Variants in FAM210A observed in about 807,000 individuals in gnomAD.
The protein encoded by FAM210A is mitochondrial inner membrane scaffold 1, also known as family with sequence similarity 210 member A.
In FAM210A, 13 loss-of-function variants were observed where a neutral mutation model predicts 25.3. That is an observed-to-expected ratio of 0.51 (90% CI 0.33 to 0.82). The LOEUF (loss-of-function observed/expected upper bound fraction) is 0.82. FAM210A is among the 40% of genes least tolerant of loss of function. FAM210A has a pLI of 0.02. For synonymous variants in FAM210A, 125 were observed against 118.7 expected (o/e 1.05, Z -0.35); for missense variants, 319 against 323.2 (o/e 0.99, Z 0.10).
At chr18:13,707,653 T>C (rs2043789206) in intron 1 of FAM210A, among the ~76,000 whole-genome samples, 1 of 152,244 alleles carries the variant, frequency 6.6e-6, no homozygotes, top group Non-Finnish European at 1.5e-5. Flanking sequence ...TGAGAAAGAC[T>C]CTGTACTTCT....
chr18:13,687,089 A>G (rs1403694751), intron 1 of FAM210A, among the ~76,000 whole-genome samples: 2 of 152,368 alleles, frequency 1.3e-5, no homozygotes, highest in East Asian at 1.9e-4. Context: ...TAATCCAGAT[A>G]TGCAAAGGTA....
At chr18:13,696,950 C>G (rs1395169031) in intron 1 of FAM210A, among the ~76,000 whole-genome samples, 1 of 152,174 alleles carries the variant, frequency 6.6e-6, no homozygotes, top group Non-Finnish European at 1.5e-5. Context: ...GGTAAGTACT[C>G]TGGTATAGGT....
At chr18:13,673,877 C>T (rs2043466732) in intron 2 of FAM210A, among the ~76,000 whole-genome samples, 1 of 1,304 alleles carries the variant, frequency 7.7e-4, no homozygotes, top group Non-Finnish European at 1.4e-3. Flanking sequence ...TCTTTATTTC[C>T]AGTTTCTGAT....
chr18:13,696,708 T>C (rs1272913096), intron 1 of FAM210A, among the ~76,000 whole-genome samples: 1 of 152,100 alleles, frequency 6.6e-6, no homozygotes, highest in Non-Finnish European at 1.5e-5. Flanking sequence ...TAACAAAAAG[T>C]TTAAAAAATA....
intron 1 of FAM210A, among the ~76,000 whole-genome samples, chr18:13,692,540 T>G (rs1195932325): frequency 1.3e-5 from 2 of 152,140 alleles, no homozygotes; most frequent in Non-Finnish European, 2.9e-5. Flanking sequence ...AGAACAGAAA[T>G]TATAACAAAC....
chr18:13,667,944 T>C (rs1174581354), intron 3 of FAM210A, among the ~76,000 whole-genome samples: 1 of 152,122 alleles, frequency 6.6e-6, no homozygotes, highest in Non-Finnish European at 1.5e-5. Flanking sequence ...GTGCCTGTAG[T>C]CCCAGCTACT....
rs754852546 is a variant in FAM210A, at chr18:13,681,959, T to C, written c.119A>G (p.Asn40Ser). 15 of 1,614,062 alleles carry C rather than the reference T, an allele frequency of 9.3e-6. No individual in the cohort carries two copies. Among genetic ancestry groups the C allele is most frequent in the Admixed American group, 1.7e-5 (1 of 60,002 alleles). ...TACCAAAACCACTTTGGATTCAGCA[T>C]TGTATAAAAGTAAAGGTCCCTTTAC... ...QNVKGPLLLYNAESKVVLVQG... is the reference protein window; with the variant it reads ...QNVKGPLLLYSAESKVVLVQG... Residue 40 changes from asparagine (N) to serine (S), a missense_variant, in exon 2 of 4, where the codon AAT becomes AGT. Asn to Ser is a conservative substitution (Grantham distance 46). Transcript: ENST00000651643.
chr18:13,695,711 C>T (rs777979252), intron 1 of FAM210A, among the ~76,000 whole-genome samples: 10 of 54,412 alleles, frequency 1.8e-4, no homozygotes, highest in African/African-American at 3.0e-4. Context: ...CCAGGGCCTG[C>T]GGTGGGTGGG....
chr18:13,706,941 T>C (rs1173999038), intron 1 of FAM210A, among the ~76,000 whole-genome samples: 2 of 152,232 alleles, frequency 1.3e-5, no homozygotes, highest in Non-Finnish European at 2.9e-5. Context: ...TTTGATTTAC[T>C]GGGACCCTGG....
chr18:13,669,141 T>C (rs2043423480), intron 3 of FAM210A, among the ~76,000 whole-genome samples: 1 of 152,158 alleles, frequency 6.6e-6, no homozygotes. Context: ...ATCCAACTAC[T>C]TCCTGCTACC....
Position 13,671,933 on chromosome 18 carries a change from G to A in FAM210A, c.514C>T (p.Pro172Ser). 6.2e-7 allele frequency: 1 copy of A among 1,610,900 alleles called. No individual in the cohort carries two copies. The highest frequency in any genetic ancestry group is 2.2e-5 in the East Asian group (1 of 44,694). ...TTCAGGATGCTTACCACACTGTCAG[G>A]TAACCCAATGAGTTCTAGAAAAGGA... ...VVPFLELIGLPDSVVSILKNS... is the reference protein window; with the variant it reads ...VVPFLELIGLSDSVVSILKNS... The change falls in exon 3 of 4, where the codon CCT becomes TCT. Residue 172 changes from proline to serine, a missense_variant. Pro to Ser is a moderately conservative substitution (Grantham distance 74). Coordinates refer to ENST00000651643, the MANE Select transcript of FAM210A (RefSeq NM_152352.4).
chr18:13,678,885 A>T (rs923274772), intron 2 of FAM210A, among the ~76,000 whole-genome samples: 1 of 152,236 alleles, frequency 6.6e-6, no homozygotes, highest in Non-Finnish European at 1.5e-5. Context: ...TAACTTTAGG[A>T]ACTTGAGGTC....
intron 1 of FAM210A, among the ~76,000 whole-genome samples, chr18:13,686,068 C>G (rs1350301209): frequency 6.6e-6 from 1 of 151,956 alleles, no homozygotes; most frequent in African/African-American, 2.4e-5. Flanking sequence ...AATCTCTAGC[C>G]AAGATAAACT....
chr18:13,703,546 G>A (rs1284203), intron 1 of FAM210A, among the ~76,000 whole-genome samples: 130,585 of 152,234 alleles, frequency 0.86, 56,105 homozygotes, highest in East Asian at 0.95. Context: ...GTGCCTGCTT[G>A]TTAGGCACTA....
Position 13,666,503 on chromosome 18 carries a change from A to G in FAM210A, c.796T>C (p.Ser266Pro). The G allele has an allele frequency of 6.2e-7, 1 of 1,613,672 alleles. No individual in the cohort carries two copies. The highest frequency in any genetic ancestry group is 8.5e-7 in the Non-Finnish European group (1 of 1,179,818). ...CCTTATTCCACTTTTTTCTTAAAGG[A>G]AACTTTTTCTTTGGTTTCTTGTAAC... ...EKLQETKEKV[S>P]FKKKVE Residue 266 changes from serine (S) to proline (P), a missense_variant, in exon 4 of 4, where the codon TCC becomes CCC. Coordinates refer to ENST00000651643, the MANE Select transcript of FAM210A (RefSeq NM_152352.4).
At chr18:13,699,837 T>G (rs2043724326) in intron 1 of FAM210A, among the ~76,000 whole-genome samples, 1 of 152,268 alleles carries the variant, frequency 6.6e-6, no homozygotes, top group African/African-American at 2.4e-5. Flanking sequence ...CTTCATCTTC[T>G]CATCTATGAC....
At chr18:13,710,831 G>T (rs2043815133) in intron 1 of FAM210A, among the ~76,000 whole-genome samples, 1 of 152,094 alleles carries the variant, frequency 6.6e-6, no homozygotes, top group Non-Finnish European at 1.5e-5. Context: ...GAGCCTTCAG[G>T]GAGAATGATT....
chr18:13,724,905 C>A (rs1380168495), intron 1 of FAM210A, among the ~76,000 whole-genome samples: 4 of 152,122 alleles, frequency 2.6e-5, no homozygotes, highest in Non-Finnish European at 5.9e-5. Context: ...TCCTGAGTAG[C>A]TGGGATTACA....
At chr18:13,686,302 C>T (rs1021293278) in intron 1 of FAM210A, among the ~76,000 whole-genome samples, 2 of 152,170 alleles carry the variant, frequency 1.3e-5, no homozygotes, top group African/African-American at 4.8e-5. Flanking sequence ...AACCCACCTC[C>T]TCTGAGCTGT....
Sources: gnomAD v4.1 joint callset for allele counts (sites outside exome capture counted in the v4.1 genomes callset) on GRCh38, gnomAD v4.1.1 for gene constraint, MANE v1.5 for transcripts, NCBI Gene and HGNC (gene_info 2026-07-23, HGNC 2026-07-21) for gene names.